The following LRRC37A variants were observed in gnomAD, a reference collection of about 807,000 sequenced individuals.
LRRC37A encodes leucine rich repeat containing 37A, also known as leucine-rich repeat-containing protein 37A.
A neutral mutation model predicts 35.4 loss-of-function variants in LRRC37A; 3 were observed. The observed-to-expected ratio is 0.08, with a 90% CI of 0.04 to 0.22. The LOEUF (loss-of-function observed/expected upper bound fraction) is 0.22, where lower values mean the gene tolerates loss of function less well. Ranked by LOEUF, LRRC37A falls within the 10% of genes least tolerant of loss-of-function variation. The pLI, the probability that LRRC37A is intolerant of heterozygous loss-of-function variation, is 1.00. For missense variants in LRRC37A, 67 were observed against 565.3 expected, an observed-to-expected ratio of 0.12 and a Z score of 8.94; for synonymous variants, 23 against 215.0, an observed-to-expected ratio of 0.11 and a Z score of 7.81.
At chr17:46,271,265 A>G in the LRRC37A span, among the ~76,000 whole-genome samples, 13 of 150,488 alleles carry the variant, frequency 8.6e-5, no homozygotes, top group Admixed American at 8.6e-4. Context: ...TCCTGGGTTC[A>G]AGTGATTCTC....
At chr17:46,265,948 T>A in the LRRC37A span, among the ~76,000 whole-genome samples, 1 of 152,200 alleles carries the variant, frequency 6.6e-6, no homozygotes. Context: ...TATACAAAAA[T>A]TAGCCTGGCA....
chr17:46,269,731 A>G, the LRRC37A span, among the ~76,000 whole-genome samples: 18,478 of 152,156 alleles, frequency 0.12, no homozygotes, highest in Non-Finnish European at 0.18. Context: ...CTGTATTCTG[A>G]GTGTATCTGA....
rs373014965 is a variant in LRRC37A, at chr17:46,332,532, T to C, written c.4705-20T>C. On this transcript the variant is annotated intron_variant, in intron 9 of 13. Transcript: ENST00000320254. ...AGTTAGCTCTCATTCTGGTTTTTTT[T>C]TGTGTGTTTTTTTTTTTAGCTCAAA... The C allele has an allele frequency of 1.4e-6, 2 of 1,431,568 alleles. No homozygotes were observed. The highest frequency in any genetic ancestry group is 1.9e-6 in the Non-Finnish European group (2 of 1,045,474). 88.7% of individuals were successfully genotyped at this position (1,431,568 alleles called of 1,614,324 possible). A position where few individuals can be genotyped will look rare whatever the true frequency, so the allele number is the denominator to read the frequency against.
chr17:46,261,666 G>A, the LRRC37A span, among the ~76,000 whole-genome samples: 1 of 151,768 alleles, frequency 6.6e-6, no homozygotes, highest in African/African-American at 2.4e-5. Context: ...GCCCGCCTCG[G>A]CCTCCCAGAG....
chr17:46,271,588 A>G, the LRRC37A span, among the ~76,000 whole-genome samples: 2 of 152,210 alleles, frequency 1.3e-5, no homozygotes, highest in African/African-American at 4.8e-5. Flanking sequence ...GCTCTTTAAC[A>G]TAAAGAAGTA....
chr17:46,252,047 G>A, the LRRC37A span, among the ~76,000 whole-genome samples: 1 of 152,170 alleles, frequency 6.6e-6, no homozygotes, highest in East Asian at 1.9e-4. Flanking sequence ...TCCTCCACAG[G>A]GAATATATAC....
At chr17:46,276,591 A>C in the LRRC37A span, among the ~76,000 whole-genome samples, 1 of 152,204 alleles carries the variant, frequency 6.6e-6, no homozygotes, top group Non-Finnish European at 1.5e-5. Flanking sequence ...ACAATGTGCA[A>C]ACAATGCTGG....
the LRRC37A span, among the ~76,000 whole-genome samples, chr17:46,281,805 G>A: frequency 6.6e-6 from 1 of 151,906 alleles, no homozygotes; most frequent in Non-Finnish European, 1.5e-5. Flanking sequence ...CACCACACCT[G>A]GCTAATTTTT....
the LRRC37A span, among the ~76,000 whole-genome samples, chr17:46,255,661 C>T: frequency 2.6e-5 from 4 of 151,346 alleles, no homozygotes; most frequent in African/African-American, 9.7e-5. Flanking sequence ...CCACCGCGCC[C>T]GGCCCCCAAA....
the LRRC37A span, among the ~76,000 whole-genome samples, chr17:46,285,770 G>C: frequency 0.52 from 78,983 of 151,766 alleles, 21,644 homozygotes; most frequent in South Asian, 0.7. Context: ...CTAGCTGAGA[G>C]TCAGTAAATA....
At chr17:46,268,311 A>C in the LRRC37A span, among the ~76,000 whole-genome samples, 2 of 152,202 alleles carry the variant, frequency 1.3e-5, no homozygotes, top group Non-Finnish European at 2.9e-5. Flanking sequence ...GAGCCACTGC[A>C]CTGGCCTGGT....
rs1453412499 is a variant in LRRC37A, at chr17:46,332,908, G to A, written c.4809+252G>A. ...TCCCACTAGACTATTTTAAGAAGTC[G>A]ATATAATAGCAAAATTTCTCCCACC... On this transcript the variant is annotated intron_variant, in intron 10 of 13. Transcript: ENST00000320254. Among the ~76,000 whole-genome samples, 14 of 151,502 alleles carry A rather than the reference G, an allele frequency of 9.2e-5. 1 individual carries two copies. Among genetic ancestry groups the A allele is most frequent in the African/African-American group, 2.7e-4 (11 of 41,012 alleles).
the LRRC37A span, among the ~76,000 whole-genome samples, chr17:46,254,038 T>G: frequency 6.6e-6 from 1 of 152,234 alleles, no homozygotes; most frequent in Non-Finnish European, 1.5e-5. Context: ...GGTCGCACCC[T>G]GAGAGGCCAT....
At chr17:46,274,985 C>T in the LRRC37A span, 4 of 157,496 alleles carry the variant, frequency 2.5e-5, no homozygotes, top group Non-Finnish European at 5.5e-5. Flanking sequence ...CTCTGCCTCC[C>T]GGGTTCCAGC....
chr17:46,288,706 C>CTTTTTTTTTTTTTTTTTTTTTTTTTTT (rs199591277), upstream of LRRC37A, among the ~76,000 whole-genome samples: 1 of 139,060 alleles, frequency 7.2e-6, no homozygotes, highest in Non-Finnish European at 1.6e-5. Flanking sequence ...CTTGTTTTTT[C>CTTTTTTTTTTTTTTTTTTTTTTTTTTT]TTTTTTTTTT....
At chr17:46,257,838 T>C in the LRRC37A span, among the ~76,000 whole-genome samples, 1 of 150,382 alleles carries the variant, frequency 6.6e-6, no homozygotes, top group East Asian at 2.0e-4. Flanking sequence ...AAAAAAATGA[T>C]CCCCAACATT....
the LRRC37A span, among the ~76,000 whole-genome samples, chr17:46,262,469 T>G: frequency 1.3e-5 from 2 of 152,332 alleles, no homozygotes; most frequent in South Asian, 4.1e-4. Context: ...CGCTTCAGCT[T>G]CCCAAAGTCC....
the LRRC37A span, among the ~76,000 whole-genome samples, chr17:46,262,334 G>A: frequency 0.011 from 1,727 of 151,002 alleles, 31 homozygotes; most frequent in African/African-American, 0.04. Flanking sequence ...GCGCCCGGCC[G>A]ATCTTCCTTC....
At chr17:46,266,443 G>A in the LRRC37A span, among the ~76,000 whole-genome samples, 4 of 152,220 alleles carry the variant, frequency 2.6e-5, no homozygotes, top group Admixed American at 1.3e-4. Context: ...TAGGAAGGAA[G>A]AGGGAGAAAT....
Sources: gnomAD v4.1 joint callset for allele counts (sites outside exome capture counted in the v4.1 genomes callset) on GRCh38, gnomAD v4.1.1 for gene constraint, MANE v1.5 for transcripts, NCBI Gene and HGNC (gene_info 2026-07-23, HGNC 2026-07-21) for gene names.